The following LOC112694756 variants were observed in gnomAD, a reference collection of about 807,000 sequenced individuals.
chr16:30,068,061 A>T, the LOC112694756 span: 1 of 227,678 alleles, frequency 4.4e-6, no homozygotes, highest in African/African-American at 2.5e-5. Context: ...ATTTTAAGTA[A>T]ATTTTTTTTT....
At chr16:30,061,780 G>C in the LOC112694756 span, among the ~76,000 whole-genome samples, 1 of 151,410 alleles carries the variant, frequency 6.6e-6, no homozygotes, top group African/African-American at 2.4e-5. Flanking sequence ...AGCTGGTCCT[G>C]AATTCCTGAC....
chr16:30,067,531 C>T, the LOC112694756 span: 4 of 1,613,922 alleles, frequency 2.5e-6, no homozygotes, highest in South Asian at 3.3e-5. Context: ...CTGCTGCTGA[C>T]AGCTGACGAC....
At chr16:30,056,911 C>CTTTTTTT in the LOC112694756 span, among the ~76,000 whole-genome samples, 1 of 137,592 alleles carries the variant, frequency 7.3e-6, no homozygotes, top group South Asian at 2.3e-4. Context: ...TCTACTTGCC[C>CTTTTTTT]TTTTTTTTTT....
the LOC112694756 span, chr16:30,064,503 C>T: frequency 2.5e-6 from 1 of 398,728 alleles, no homozygotes; most frequent in Non-Finnish European, 4.4e-6. Flanking sequence ...CTCTGAAGCA[C>T]CGGTGAGTGG....
At chr16:30,067,311 C>T in the LOC112694756 span, 18 of 1,613,136 alleles carry the variant, frequency 1.1e-5, no homozygotes, top group African/African-American at 2.7e-5. Flanking sequence ...TGTCTGACAT[C>T]GCTCACCGCA....
At chr16:30,064,840 AGGGTCCAGATG>A in the LOC112694756 span, 1 of 219,664 alleles carries the variant, frequency 4.6e-6, no homozygotes, top group African/African-American at 2.3e-5. Context: ...TTGGGCCAAC[AGGGTCCAGATG>A]GGGTCCAGGT....
the LOC112694756 span, chr16:30,067,171 G>C: frequency 0.49 from 791,705 of 1,605,368 alleles, 197,338 homozygotes; most frequent in African/African-American, 0.62. Flanking sequence ...AGGGGCCCTG[G>C]TCATCGGGAG....
the LOC112694756 span, chr16:30,067,541 C>T: frequency 1.9e-6 from 3 of 1,613,878 alleles, no homozygotes; most frequent in East Asian, 6.7e-5. Context: ...CAGCTGACGA[C>T]CGCGTGAACC....
At chr16:30,066,174 C>A in the LOC112694756 span, 1 of 152,366 alleles carries the variant, frequency 6.6e-6, no homozygotes, top group Non-Finnish European at 1.5e-5. Flanking sequence ...TCCCCCTTTT[C>A]TTGCAGGGAC....
At chr16:30,058,535 G>A in the LOC112694756 span, among the ~76,000 whole-genome samples, 4 of 150,800 alleles carry the variant, frequency 2.7e-5, no homozygotes, top group African/African-American at 9.8e-5. Flanking sequence ...ACCCATGCTG[G>A]AGTGCAGTGG....
chr16:30,069,988 A>T, the LOC112694756 span: 5 of 1,613,642 alleles, frequency 3.1e-6, no homozygotes, highest in Admixed American at 1.7e-5. Context: ...GAAGAAGGAG[A>T]ACCTGAAGGC....
chr16:30,064,534 A>G, the LOC112694756 span: 1 of 398,690 alleles, frequency 2.5e-6, no homozygotes, highest in East Asian at 3.6e-5. Context: ...CCTCCCCATC[A>G]ATAGGGCCGA....
chr16:30,070,289 G>A, the LOC112694756 span: 12 of 1,431,638 alleles, frequency 8.4e-6, no homozygotes, highest in African/African-American at 1.4e-5. Context: ...CCGCCTCCTC[G>A]GGGCTCCAGG....
At chr16:30,069,222 C>G in the LOC112694756 span, 1 of 1,482,428 alleles carries the variant, frequency 6.7e-7, no homozygotes, top group Non-Finnish European at 9.4e-7. Flanking sequence ...CATCAAGATA[C>G]GGTCTTGACC....
the LOC112694756 span, chr16:30,066,335 A>C: frequency 6.6e-6 from 1 of 152,608 alleles, no homozygotes; most frequent in Admixed American, 6.5e-5. Context: ...GCGAGGAGGG[A>C]AACCCCTCCG....
chr16:30,057,872 G>A, the LOC112694756 span, among the ~76,000 whole-genome samples: 220 of 151,942 alleles, frequency 1.4e-3, 1 homozygote, highest in African/African-American at 5.0e-3. Context: ...CAGAGATTGC[G>A]GTGAGCTGAG....
the LOC112694756 span, among the ~76,000 whole-genome samples, chr16:30,060,695 G>A: frequency 6.6e-6 from 1 of 152,146 alleles, no homozygotes; most frequent in Admixed American, 6.5e-5. Flanking sequence ...CAGAATGATG[G>A]TGTGGTCCTT....
the LOC112694756 span, chr16:30,070,335 T>TA: frequency 1.2e-6 from 1 of 851,236 alleles, no homozygotes; most frequent in Non-Finnish European, 2.0e-6. Flanking sequence ...CTCGTGACAG[T>TA]GGTGTGTGGT....
the LOC112694756 span, among the ~76,000 whole-genome samples, chr16:30,056,020 C>T: frequency 1.7e-3 from 251 of 151,704 alleles, 1 homozygote; most frequent in African/African-American, 5.8e-3. Flanking sequence ...AGGCTGGTCT[C>T]GAACTCCTGA....
Sources: gnomAD v4.1 joint callset for allele counts (sites outside exome capture counted in the v4.1 genomes callset) on GRCh38, gnomAD v4.1.1 for gene constraint, MANE v1.5 for transcripts.